The following NRP2 variants were observed in gnomAD, a reference collection of about 807,000 sequenced individuals.
The protein encoded by NRP2 is neuropilin 2, also known as neuropilin-2.
A neutral mutation model predicts 110.4 loss-of-function variants in NRP2; 52 were observed. The ratio of observed to expected loss-of-function variants is 0.47; its 90% CI spans 0.38 to 0.59. The LOEUF is 0.59. Ranked by LOEUF, NRP2 falls within the 20% of genes least tolerant of loss-of-function variation. NRP2 has a pLI of 0.00. For synonymous variants in NRP2, 508 were observed against 468.9 expected (o/e 1.08, Z -1.08); for missense variants, 1,049 against 1,203.0 (o/e 0.87, Z 1.89).
chr2:205,717,913 TG>T (rs2056933139), intron 3 of NRP2, among the ~76,000 whole-genome samples: 2 of 152,194 alleles, frequency 1.3e-5, no homozygotes, highest in Admixed American at 6.5e-5. Flanking sequence ...TGGATGAGTA[TG>T]TATGTAAATT....
chr2:205,744,030 C>T (rs1214613752), intron 9 of NRP2, among the ~76,000 whole-genome samples: 2 of 152,176 alleles, frequency 1.3e-5, no homozygotes, highest in African/African-American at 4.8e-5. Context: ...AGGCATGAAC[C>T]ACCGCGCCCG....
intron 3 of NRP2, 145 bp from the exon 4 acceptor site, chr2:205,722,333 G>T: frequency 1.4e-6 from 1 of 708,816 alleles, no homozygotes; most frequent in Non-Finnish European, 2.6e-6. Flanking sequence ...CATGTGAAGA[G>T]TATGTTGCTT....
At chr2:205,694,179 T>A (rs1362565597) in intron 1 of NRP2, among the ~76,000 whole-genome samples, 1 of 152,078 alleles carries the variant, frequency 6.6e-6, no homozygotes, top group African/African-American at 2.4e-5. Context: ...ACAACAATAC[T>A]TAAGAAGGAG....
intron 15 of NRP2, among the ~76,000 whole-genome samples, chr2:205,786,312 G>T (rs1337546658): frequency 6.6e-6 from 1 of 152,170 alleles, no homozygotes; most frequent in Non-Finnish European, 1.5e-5. Context: ...ATTTCCTGCT[G>T]GGATTAAAAG....
In NRP2 at chr2:205,743,293, G is replaced by T. The variant is rs530582033; in HGVS notation, c.1382G>T (p.Ser461Ile). Residue 461 changes from serine to isoleucine, a missense_variant, in exon 9 of 17, where the codon AGC becomes ATC. By Grantham distance (142) the Ser-to-Ile change is moderately radical. Transcript: ENST00000357785. ...SASSTQEYLWSPSAARLVSSR... is the reference protein window; with the variant it reads ...SASSTQEYLWIPSAARLVSSR... ...TCTTCCACCCAGGAATACCTCTGGAGCCCCAGTGCAGCCCGCCTGGTTAGC... is the reference window on the plus strand; with the variant it reads ...TCTTCCACCCAGGAATACCTCTGGATCCCCAGTGCAGCCCGCCTGGTTAGC... 8.7e-6 allele frequency: 14 copies of T among 1,614,154 alleles called. No homozygotes were observed. Among genetic ancestry groups the T allele is most frequent in the Admixed American group, 5.0e-5 (3 of 60,024 alleles).
intron 7 of NRP2, among the ~76,000 whole-genome samples, chr2:205,728,280 G>C (rs2057168845): frequency 6.6e-6 from 1 of 152,224 alleles, no homozygotes; most frequent in African/African-American, 2.4e-5. Flanking sequence ...AGCAGAGAGA[G>C]AGAGCTTGCA....
At chr2:205,720,539 A>G (rs2056990209) in intron 3 of NRP2, among the ~76,000 whole-genome samples, 1 of 152,186 alleles carries the variant, frequency 6.6e-6, no homozygotes, top group Non-Finnish European at 1.5e-5. Flanking sequence ...CTAAGAGGGC[A>G]TGTCAGGATG....
intron 14 of NRP2, 60 bp downstream of exon 14, chr2:205,765,630 G>A: frequency 1.4e-6 from 2 of 1,405,296 alleles, no homozygotes; most frequent in South Asian, 1.2e-5. Context: ...GCTGGGATAA[G>A]CAAGAGGAGG....
At chr2:205,694,776 G>A (rs2056388755) in intron 1 of NRP2, among the ~76,000 whole-genome samples, 1 of 152,240 alleles carries the variant, frequency 6.6e-6, no homozygotes, top group South Asian at 2.1e-4. Flanking sequence ...AGGAAATGAT[G>A]TGTCCCCAAC....
rs761175695 is a variant in NRP2 at position 205,795,049 on chromosome 2, C to A, written c.2772C>A (p.Ser924=). 6.2e-7 allele frequency: 1 copy of A among 1,613,906 alleles called. No homozygotes were observed. ...AGATGAACCACCAAAAGTGCTGCTCCGAGGCATGACGGATTGCACCTGAAT... is the reference window on the plus strand; with the variant it reads ...AGATGAACCACCAAAAGTGCTGCTCAGAGGCATGACGGATTGCACCTGAAT... ...KVKMNHQKCC[S]EA The change falls in exon 17 of 17, where the codon TCC becomes TCA. Residue 924 remains serine, a synonymous_variant. Transcript: ENST00000357785.
rs911610422 is a variant in NRP2, at chr2:205,683,188, T to G, written c.-103T>G. Reference sequence around the variant, plus strand: ...AGGGAAACGCTGACCATTAGAAACCTCTGCATAAGACGTTGTAAGGAGGAA... The same window carrying G: ...AGGGAAACGCTGACCATTAGAAACCGCTGCATAAGACGTTGTAAGGAGGAA... On this transcript the variant is annotated 5_prime_UTR_variant, in exon 1 of 17. Transcript: ENST00000357785. 3 of 842,688 alleles carry G rather than the reference T, an allele frequency of 3.6e-6. No individual in the cohort carries two copies. Among genetic ancestry groups the G allele is most frequent in the Non-Finnish European group, 5.9e-6 (3 of 507,732 alleles). The allele number at this position is 842,688 out of a possible 1,614,324, so 52.2% of individuals were successfully genotyped here. A position where few individuals can be genotyped will look rare whatever the true frequency, so the allele number is the denominator to read the frequency against.
At chr2:205,787,718 C>CTGTGTGTGTGTGTG (rs60558986) in intron 15 of NRP2, among the ~76,000 whole-genome samples, 4 of 144,076 alleles carry the variant, frequency 2.8e-5, no homozygotes, top group Admixed American at 6.9e-5. Flanking sequence ...AAAAAAGTGT[C>CTGTGTGTGTGTGTG]TGTGTGTGTG....
chr2:205,789,319 C>T lies in NRP2; in HGVS notation c.2426-2916C>T, dbSNP rs28378804. Among the ~76,000 whole-genome samples the T allele has an allele frequency of 3.6e-3, 554 of 152,280 alleles. 5 individuals are homozygous for T. Among genetic ancestry groups the T allele is most frequent in the African/African-American group, 0.012 (505 of 41,566 alleles). On this transcript the variant is annotated intron_variant, in intron 15 of 16. Coordinates refer to ENST00000357785, the MANE Select transcript of NRP2 (RefSeq NM_003872.3). ...ATGGGGGCCTAGAAGGAAACAGGGT[C>T]ATGGGAGCACAAAGGTTGAAAGCGG...
At position 205,710,048 on chromosome 2, in the gene NRP2, T is replaced by C. The variant is rs534700433; in HGVS notation, c.252-6145T>C. ...TTAATTTTGGTAAGTCCTTCAGCCT[T>C]GTTTAAACAGAACAACTCAAAAGAG... On this transcript the variant is annotated intron_variant, in intron 2 of 16. Transcript: ENST00000357785. Among the ~76,000 whole-genome samples the C allele has an allele frequency of 1.4e-4, 22 of 152,356 alleles. No homozygotes were observed. The South Asian group carries it at 4.6e-3, about 32-fold the overall frequency.
chr2:205,716,433 A>G, intron 3 of NRP2, 59 bp downstream of exon 3: 2 of 1,583,892 alleles, frequency 1.3e-6, no homozygotes, highest in Non-Finnish European at 1.7e-6. Context: ...AAGGAGGGAC[A>G]GCACCCAGTG....
intron 15 of NRP2, 141 bp from the exon 16 acceptor site, chr2:205,792,094 T>A (rs2058307921): frequency 3.0e-6 from 2 of 666,852 alleles, no homozygotes; most frequent in Non-Finnish European, 5.5e-6. Flanking sequence ...GTAATGTCCA[T>A]AATGAATGAT....
At chr2:205,696,706 T>G (rs976003315) in intron 1 of NRP2, among the ~76,000 whole-genome samples, 2 of 152,190 alleles carry the variant, frequency 1.3e-5, no homozygotes, top group African/African-American at 2.4e-5. Context: ...AAACGGCCAG[T>G]TATGGCTGGA....
Position 205,752,865 on chromosome 2 carries a change from A to G in NRP2, c.1934A>G (p.Asn645Ser), listed in dbSNP as rs373072938. 18 of 1,614,040 alleles carry G rather than the reference A, an allele frequency of 1.1e-5. No individual in the cohort carries two copies. Among genetic ancestry groups the G allele is most frequent in the East Asian group, 2.2e-5 (1 of 44,888 alleles). The change falls in exon 12 of 17, where the codon AAT becomes AGT. Residue 645 changes from asparagine to serine, a missense_variant. Coordinates refer to ENST00000357785, the MANE Select transcript of NRP2 (RefSeq NM_003872.3). ...DKDLQLPSGF[N>S]CNFDFLEEPC... is the part of the protein sequence containing the mutation. ...GATTTGCAGCTCCCTTCGGGATTCA[A>G]TTGCAACTTCGATTTCCTCGAGGAG...
chr2:205,740,607 A>G lies in NRP2; in HGVS notation c.1235A>G (p.Gln412Arg), dbSNP rs1009239340. ...ACAAGGTTTGTTAGAATCCGCCCTC[A>G]GACCTGGCACTCAGGTATCGCCCTC... The part of the protein sequence containing the change: ...LLTRFVRIRP[Q>R]TWHSGIALRL... Residue 412 changes from glutamine (Q) to arginine (R), a missense_variant, in exon 8 of 17, where the codon CAG (glutamine) becomes CGG (arginine). Transcript: ENST00000357785. The G allele has an allele frequency of 6.2e-7, 1 of 1,614,132 alleles. No homozygotes were observed. Among genetic ancestry groups the G allele is most frequent in the Non-Finnish European group, 8.5e-7 (1 of 1,180,044 alleles).
Sources: allele counts gnomAD v4.1 joint callset (sites outside exome capture counted in the v4.1 genomes callset), GRCh38; gene constraint gnomAD v4.1.1; transcripts MANE v1.5; gene names NCBI Gene and HGNC (gene_info 2026-07-23, HGNC 2026-07-21).